Variants in STAC observed in about 807,000 individuals in gnomAD.
The protein encoded by STAC is SH3 and cysteine rich domain.
In STAC, 43 loss-of-function variants were observed where a neutral mutation model predicts 48.8. That is an observed-to-expected ratio of 0.88 (90% CI 0.69 to 1.14). The LOEUF (loss-of-function observed/expected upper bound fraction) is 1.14. Ranked by LOEUF, STAC falls within the 50% of genes most tolerant of loss-of-function variation. The probability of loss-of-function intolerance (pLI) is 0.00; values close to 1 mark genes in which losing one functional copy is unlikely to be tolerated. For synonymous variants in STAC, 193 were observed against 179.5 expected, an observed-to-expected ratio of 1.07 and a Z score of -0.60; for missense variants, 497 against 504.0, an observed-to-expected ratio of 0.99 and a Z score of 0.13.
chr3:36,514,245 A>C, intron 8 of STAC, among the ~76,000 whole-genome samples: 1 of 104,516 alleles, frequency 9.6e-6, no homozygotes, highest in Non-Finnish European at 1.8e-5. Flanking sequence ...TCACAAAAGG[A>C]CCACACCGCC....
At chr3:36,531,362 A>G (rs1699061404) in intron 10 of STAC, among the ~76,000 whole-genome samples, 2 of 152,236 alleles carry the variant, frequency 1.3e-5, no homozygotes, top group South Asian at 4.1e-4. Context: ...CTCAATGACA[A>G]TATTTTCTTT....
At chr3:36,423,470 C>A (rs1222397436) in intron 1 of STAC, among the ~76,000 whole-genome samples, 1 of 150,700 alleles carries the variant, frequency 6.6e-6, no homozygotes, top group East Asian at 1.9e-4. Flanking sequence ...ATAAAAAGAT[C>A]CCCAGTATAT....
At chr3:36,484,706 TG>T (rs1335021020) in intron 3 of STAC, among the ~76,000 whole-genome samples, 1 of 152,186 alleles carries the variant, frequency 6.6e-6, no homozygotes, top group African/African-American at 2.4e-5. Flanking sequence ...GAGGCTGCAG[TG>T]CACTGCAGGA....
At chr3:36,384,596 C>A (rs889181279) in intron 1 of STAC, among the ~76,000 whole-genome samples, 1 of 152,164 alleles carries the variant, frequency 6.6e-6, no homozygotes, top group Admixed American at 6.5e-5. Context: ...ACTGACATTA[C>A]CATAATGTAA....
intron 1 of STAC, among the ~76,000 whole-genome samples, chr3:36,390,414 T>C (rs1419431817): frequency 6.6e-6 from 1 of 151,986 alleles, no homozygotes; most frequent in Non-Finnish European, 1.5e-5. Context: ...AGATGACTTT[T>C]TGGCAAGTAT....
intron 8 of STAC, among the ~76,000 whole-genome samples, chr3:36,521,248 A>G (rs1253594968): frequency 6.6e-6 from 1 of 152,074 alleles, no homozygotes; most frequent in Non-Finnish European, 1.5e-5. Flanking sequence ...AAATAACTAT[A>G]TAGTAAAGTG....
At chr3:36,493,426 C>A (rs1698048002) in intron 6 of STAC, among the ~76,000 whole-genome samples, 197 bp downstream of exon 6, 1 of 151,926 alleles carries the variant, frequency 6.6e-6, no homozygotes, top group Non-Finnish European at 1.5e-5. Flanking sequence ...TTCCTGAGTT[C>A]TATATCCTGA....
intron 10 of STAC, among the ~76,000 whole-genome samples, chr3:36,529,831 T>C (rs1699022206): frequency 6.6e-6 from 1 of 151,946 alleles, no homozygotes; most frequent in Non-Finnish European, 1.5e-5. Context: ...ATAATATGCT[T>C]GGACTTACGG....
chr3:36,423,736 A>G (rs913928346), intron 1 of STAC, among the ~76,000 whole-genome samples: 1 of 152,044 alleles, frequency 6.6e-6, no homozygotes, highest in African/African-American at 2.4e-5. Context: ...ATAGGATGTA[A>G]ATATATAAGT....
rs963891317 is a variant in STAC, at chr3:36,441,002, T to C, written c.112-2362T>C. Among the ~76,000 whole-genome samples the C allele has an allele frequency of 4.6e-5, 7 of 152,242 alleles. No homozygotes were observed. In the East Asian group the frequency reaches 1.2e-3, roughly 25 times the overall value. On this transcript the variant is annotated intron_variant, in intron 1 of 10. Transcript: ENST00000273183. ...TAATTGTACCTATTTATGGAGTACATAGTGATTTTGTAACACATGTAAAGT... is the reference window on the plus strand; with the variant it reads ...TAATTGTACCTATTTATGGAGTACACAGTGATTTTGTAACACATGTAAAGT...
chr3:36,458,432 A>G (rs1359819221), intron 2 of STAC, among the ~76,000 whole-genome samples: 1 of 152,210 alleles, frequency 6.6e-6, no homozygotes, highest in African/African-American at 2.4e-5. Flanking sequence ...AGTGACAAGT[A>G]ATCTAGGTCT....
rs1327964039 is a variant in STAC at position 36,400,306 on chromosome 3, C to G, written c.111+19552C>G. On this transcript the variant is annotated intron_variant, in intron 1 of 10. Coordinates refer to ENST00000273183, the MANE Select transcript of STAC (RefSeq NM_003149.3). ...TGCTGCTCAGCTACTGTCAAATGGT[C>G]ATTTGTCCACGTGTTATATAACTAT... Among the ~76,000 whole-genome samples, 4 of 152,178 alleles carry G rather than the reference C, an allele frequency of 2.6e-5. No homozygotes were observed. In the East Asian group the frequency reaches 7.7e-4, roughly 29 times the overall value.
At chr3:36,449,814 A>G (rs971883489) in intron 2 of STAC, among the ~76,000 whole-genome samples, 3 of 152,194 alleles carry the variant, frequency 2.0e-5, no homozygotes, top group African/African-American at 7.2e-5. Flanking sequence ...ATTGCGTGTC[A>G]TCTTAAAAAA....
intron 2 of STAC, among the ~76,000 whole-genome samples, chr3:36,463,516 T>G (rs1697077515): frequency 6.6e-6 from 1 of 152,020 alleles, no homozygotes; most frequent in African/African-American, 2.4e-5. Context: ...TTTTCTTTTT[T>G]TTTTTAATTA....
chr3:36,462,634 T>C (rs1697050135), intron 2 of STAC, among the ~76,000 whole-genome samples: 1 of 152,076 alleles, frequency 6.6e-6, no homozygotes, highest in African/African-American at 2.4e-5. Flanking sequence ...ATGTGTTGTC[T>C]TCAAAGCCAA....
chr3:36,483,140 C>T (rs1250541014), intron 3 of STAC, 48 bp downstream of exon 3: 1 of 1,429,550 alleles, frequency 7.0e-7, no homozygotes, highest in South Asian at 1.2e-5. Context: ...TGCTAGGGCA[C>T]TTGCCTGCTG....
chr3:36,383,304 A>G (rs548129671), intron 1 of STAC, among the ~76,000 whole-genome samples: 1 of 151,784 alleles, frequency 6.6e-6, no homozygotes, highest in Non-Finnish European at 1.5e-5. Context: ...GGGAAGTGGA[A>G]GCCAAGAAAG....
At position 36,380,749 on chromosome 3, in the gene STAC, T is replaced by G. The variant is rs762124372; in HGVS notation, c.106T>G (p.Ser36Ala). The G allele has an allele frequency of 6.2e-7, 1 of 1,610,322 alleles. No homozygotes were observed. The highest frequency in any genetic ancestry group is 8.5e-7 in the Non-Finnish European group (1 of 1,177,886). The change falls in exon 1 of 11, where the codon TCC becomes GCC. Residue 36 changes from serine to alanine, a missense_variant. Coordinates refer to ENST00000273183, the MANE Select transcript of STAC (RefSeq NM_003149.3). ...TCCTGCATCCACCAGCAGCCAGGAA[T>G]CCAAGGTACCGAGCACGCTTGCCCC... is the stretch of plus-strand genomic sequence containing the variant. The part of the protein sequence containing the change: ...PSPASTSSQE[S>A]KLQKLKRSLS...
chr3:36,435,447 T>C (rs1199153299), intron 1 of STAC, among the ~76,000 whole-genome samples: 1 of 152,144 alleles, frequency 6.6e-6, no homozygotes, highest in African/African-American at 2.4e-5. Flanking sequence ...GGCTCCAGCA[T>C]GCCCCTTTCT....
Sources: allele counts gnomAD v4.1 joint callset (sites outside exome capture counted in the v4.1 genomes callset), GRCh38; gene constraint gnomAD v4.1.1; transcripts MANE v1.5; gene names NCBI Gene and HGNC (gene_info 2026-07-23, HGNC 2026-07-21).